Variants in ROR1 observed in about 807,000 individuals in gnomAD.
ROR1 encodes inactive tyrosine-protein kinase transmembrane receptor ROR1.
A neutral mutation model predicts 78.8 loss-of-function variants in ROR1; 19 were observed. The observed-to-expected ratio is 0.24, with a 90% CI of 0.17 to 0.35. The LOEUF is 0.35. ROR1 is among the 10% of genes least tolerant of loss of function. ROR1 has a pLI of 1.00. For missense variants in ROR1, 917 were observed against 1,177.8 expected, an observed-to-expected ratio of 0.78 and a Z score of 3.24; for synonymous variants, 386 against 433.6, an observed-to-expected ratio of 0.89 and a Z score of 1.36.
chr1:63,974,694 G>T (rs1478237598), intron 1 of ROR1, among the ~76,000 whole-genome samples: 1 of 152,074 alleles, frequency 6.6e-6, no homozygotes, highest in Non-Finnish European at 1.5e-5. Context: ...CTGGAGTGCA[G>T]TGGTATGATC....
Position 63,774,660 on chromosome 1 carries a change from G to A in ROR1, c.91+152G>A. On this transcript the variant is annotated intron_variant, in intron 1 of 8. Coordinates refer to ENST00000371079, the MANE Select transcript of ROR1 (RefSeq NM_005012.4). The surrounding 1 kb of genome is among the most constrained non-coding windows in gnomAD (Gnocchi z 5.7). ...CCACGGGGCTCGCCGGCGCCGCCAG[G>A]CCAGGGTTTGCCCCGGAGCCCCGCC... 2 of 266,656 alleles carry A rather than the reference G, an allele frequency of 7.5e-6. No homozygotes were observed. The highest frequency in any genetic ancestry group is 1.7e-4 in the East Asian group (1 of 5,966). 16.5% of individuals were successfully genotyped at this position (266,656 alleles called of 1,614,324 possible). A position where few individuals can be genotyped will look rare whatever the true frequency, so the allele number is the denominator to read the frequency against.
At chr1:63,785,167 T>C (rs1025629242) in intron 1 of ROR1, among the ~76,000 whole-genome samples, 11 of 152,208 alleles carry the variant, frequency 7.2e-5, no homozygotes, top group African/African-American at 2.7e-4. Flanking sequence ...CTTATTCTAC[T>C]TTTTCTCCAT....
At chr1:63,818,759 T>C (rs868298457) in intron 1 of ROR1, among the ~76,000 whole-genome samples, 5 of 152,206 alleles carry the variant, frequency 3.3e-5, no homozygotes, top group African/African-American at 1.2e-4. Context: ...TAACCTATTA[T>C]TACTGTCTTC....
intron 1 of ROR1, among the ~76,000 whole-genome samples, chr1:63,890,586 G>C (rs1487343909): frequency 6.6e-6 from 1 of 151,950 alleles, no homozygotes; most frequent in African/African-American, 2.4e-5. Context: ...AATTTACTCT[G>C]GTTAGGGAGT....
chr1:64,128,331 T>G (rs868481066), intron 4 of ROR1, among the ~76,000 whole-genome samples: 2 of 146,322 alleles, frequency 1.4e-5, no homozygotes, highest in African/African-American at 5.0e-5. Flanking sequence ...TAGCCAAGCA[T>G]GGTGGCACAA....
At chr1:64,104,933 T>G (rs1481934198) in intron 4 of ROR1, among the ~76,000 whole-genome samples, 1 of 152,242 alleles carries the variant, frequency 6.6e-6, no homozygotes, top group African/African-American at 2.4e-5. Context: ...TGTGTGCATG[T>G]GTCTTTATAG....
chr1:63,787,861 C>T (rs960883610), intron 1 of ROR1, among the ~76,000 whole-genome samples: 10 of 152,230 alleles, frequency 6.6e-5, no homozygotes, highest in Non-Finnish European at 1.0e-4. Context: ...CTGTCACTCC[C>T]TCATTCTGGG....
At chr1:63,987,371 G>A (rs1223535370) in intron 1 of ROR1, among the ~76,000 whole-genome samples, 1 of 152,168 alleles carries the variant, frequency 6.6e-6, no homozygotes, top group African/African-American at 2.4e-5. Context: ...TTTAACCCGT[G>A]CTTATTCCAC....
intron 1 of ROR1, among the ~76,000 whole-genome samples, chr1:63,825,215 G>A (rs140435230): frequency 4.6e-5 from 7 of 152,234 alleles, no homozygotes; most frequent in South Asian, 2.1e-4. Flanking sequence ...CCCACACAAC[G>A]ATAGGTATGC....
At chr1:63,936,480 A>G (rs1645795502) in intron 1 of ROR1, among the ~76,000 whole-genome samples, 1 of 152,210 alleles carries the variant, frequency 6.6e-6, no homozygotes, top group African/African-American at 2.4e-5. Context: ...TTTTGCTGGA[A>G]TGCTAACCTT....
rs145366338 is a variant in ROR1, at chr1:64,103,224, T to A, written c.483-34145T>A. ...TGGTTCCATATGAACTTTAAAGTAG[T>A]ATTTTCCAATTCTGTGAAGAAAGTC... is the stretch of plus-strand genomic sequence containing the variant. On this transcript the variant is annotated intron_variant, in intron 4 of 8. Transcript: ENST00000371079. 2.2e-3 allele frequency among the ~76,000 whole-genome samples: 331 copies of A among 152,248 alleles called. 2 individuals are homozygous for A. The highest frequency in any genetic ancestry group is 7.5e-3 in the African/African-American group (312 of 41,556).
At chr1:63,842,550 T>G (rs2100316456) in intron 1 of ROR1, among the ~76,000 whole-genome samples, 1 of 152,302 alleles carries the variant, frequency 6.6e-6, no homozygotes, top group South Asian at 2.1e-4. Flanking sequence ...GCTCTCCACA[T>G]AAACATCTTT....
intron 4 of ROR1, among the ~76,000 whole-genome samples, chr1:64,069,815 T>C (rs1413156294): frequency 1.3e-5 from 2 of 152,168 alleles, no homozygotes; most frequent in African/African-American, 4.8e-5. Context: ...TCTCCCTTTA[T>C]TTTTATTATT....
chr1:63,782,890 A>G (rs1644661186), intron 1 of ROR1, among the ~76,000 whole-genome samples: 1 of 152,170 alleles, frequency 6.6e-6, no homozygotes, highest in Non-Finnish European at 1.5e-5. Flanking sequence ...TGGCAATTAT[A>G]TATGCAGAAT....
At position 63,825,705 on chromosome 1, in the gene ROR1, G is replaced by A. The variant is rs577379592; in HGVS notation, c.91+51197G>A. 8.5e-5 allele frequency among the ~76,000 whole-genome samples: 13 copies of A among 152,302 alleles called. No individual in the cohort carries two copies. The East Asian group carries it at 2.5e-3, about 29-fold the overall frequency. On this transcript the variant is annotated intron_variant, in intron 1 of 8. Coordinates refer to ENST00000371079, the MANE Select transcript of ROR1 (RefSeq NM_005012.4). ...TAACTGGTAAAAATATTCTTTGAAA[G>A]CTGAATTTTTAATAGTGTCATATTA...
Position 63,963,617 on chromosome 1 carries a change from GA to G in ROR1, c.92-45680del, listed in dbSNP as rs1335347941. Among the ~76,000 whole-genome samples the G allele has an allele frequency of 2.6e-5, 4 of 150,986 alleles. No homozygotes were observed. The Middle Eastern group carries it at 0.01, about 385-fold the overall frequency. ...AAAAAACAAAACAAAAAGAAAGGAA[GA>G]AAAAAAAGAATTCTGATTTGTAGAT... On this transcript the variant is annotated intron_variant, in intron 1 of 8. Transcript: ENST00000371079.
chr1:63,794,441 G>A lies in ROR1; in HGVS notation c.91+19933G>A, dbSNP rs544827258. Among the ~76,000 whole-genome samples the A allele has an allele frequency of 4.9e-4, 74 of 152,300 alleles. No homozygotes were observed. In the South Asian group the frequency reaches 0.013, roughly 27 times the overall value. On this transcript the variant is annotated intron_variant, in intron 1 of 8. Coordinates refer to ENST00000371079, the MANE Select transcript of ROR1 (RefSeq NM_005012.4). ...CTGAATTCCTCAGTGCCTGAGTCTG[G>A]CATCGAAACTGGCTTCCCCGGCCTC...
intron 1 of ROR1, among the ~76,000 whole-genome samples, chr1:63,812,733 C>T (rs1158301390): frequency 6.6e-6 from 1 of 152,088 alleles, no homozygotes; most frequent in Non-Finnish European, 1.5e-5. Flanking sequence ...ATATAACTAC[C>T]ATCTATGAAG....
At chr1:63,912,252 G>A (rs1345501129) in intron 1 of ROR1, among the ~76,000 whole-genome samples, 1 of 150,912 alleles carries the variant, frequency 6.6e-6, no homozygotes, top group Admixed American at 6.6e-5. Context: ...AAGCCATGAT[G>A]GTACCATTGT....
Sources: gnomAD v4.1 joint callset for allele counts (sites outside exome capture counted in the v4.1 genomes callset) on GRCh38, gnomAD v4.1.1 for gene constraint, Gnocchi (gnomAD v3.1) non-coding constraint, MANE v1.5 for transcripts, NCBI Gene and HGNC (gene_info 2026-07-23, HGNC 2026-07-21) for gene names.